The following CPS1 variants were observed in gnomAD, a reference collection of about 807,000 sequenced individuals.
CPS1 encodes carbamoyl-phosphate synthase 1, also known as carbamoyl-phosphate synthase [ammonia], mitochondrial.
Under a neutral mutation model 174.6 loss-of-function variants are expected in CPS1, and 109 were observed. The observed-to-expected ratio is 0.62, with a 90% CI of 0.53 to 0.73. The LOEUF (loss-of-function observed/expected upper bound fraction) is 0.73, where lower values mean the gene tolerates loss of function less well. CPS1 is among the 30% of genes least tolerant of loss of function. The pLI, the probability that CPS1 is intolerant of heterozygous loss-of-function variation, is 0.00. For missense variants in CPS1, 1,689 were observed against 1,821.9 expected, an observed-to-expected ratio of 0.93 and a Z score of 1.33; for synonymous variants, 637 against 632.0, an observed-to-expected ratio of 1.01 and a Z score of -0.12.
chr2:210,594,733 G>A (rs2106116832), intron 12 of CPS1, 127 bp downstream of exon 12: 1 of 708,418 alleles, frequency 1.4e-6, no homozygotes, highest in Non-Finnish European at 2.5e-6. Flanking sequence ...TATTGTAATA[G>A]ACTGTCATTT....
At chr2:210,496,251 G>T (rs10932337) in intron 1 of CPS1, among the ~76,000 whole-genome samples, 97,740 of 151,650 alleles carry the variant, frequency 0.64, 31,707 homozygotes, top group South Asian at 0.69. Context: ...TGTAAGGAAT[G>T]AAACCAAAAC....
At chr2:210,594,150 T>A (rs1698400623) in intron 11 of CPS1, among the ~76,000 whole-genome samples, 1 of 151,908 alleles carries the variant, frequency 6.6e-6, no homozygotes, top group African/African-American at 2.4e-5. Context: ...ATTTCTAATT[T>A]TCTATATCAT....
intron 1 of CPS1, among the ~76,000 whole-genome samples, chr2:210,558,869 A>G (rs1168190166): frequency 6.6e-6 from 1 of 152,072 alleles, no homozygotes; most frequent in Admixed American, 6.6e-5. Context: ...GCTAAGAATG[A>G]CAAATTTGTA....
intron 1 of CPS1, among the ~76,000 whole-genome samples, chr2:210,540,309 G>C (rs923722202): frequency 6.6e-6 from 1 of 152,080 alleles, no homozygotes; most frequent in African/African-American, 2.4e-5. Flanking sequence ...TTGTGGAGAA[G>C]GTCAGTAAAA....
At chr2:210,619,512 T>TAA (rs1699432415) in intron 21 of CPS1, 1 of 152,142 alleles carries the variant, frequency 6.6e-6, no homozygotes, top group African/African-American at 2.4e-5. Context: ...GATATGTAGA[T>TAA]ATGATAGTTA....
At chr2:210,568,674 A>T (rs112806240) in intron 1 of CPS1, among the ~76,000 whole-genome samples, 60 of 152,204 alleles carry the variant, frequency 3.9e-4, no homozygotes, top group Non-Finnish European at 6.0e-4. Context: ...TGACTCCAAG[A>T]TACACTAGGA....
intron 21 of CPS1, among the ~76,000 whole-genome samples, chr2:210,637,259 G>A (rs1175609970): frequency 6.6e-6 from 1 of 152,260 alleles, no homozygotes; most frequent in South Asian, 2.1e-4. Context: ...GAGTAATAAA[G>A]TAGAGCGAGA....
At chr2:210,608,326 G>T in intron 18 of CPS1, 35 bp from the exon 19 acceptor site, 1 of 1,601,378 alleles carries the variant, frequency 6.2e-7, no homozygotes, top group Middle Eastern at 1.7e-4. Context: ...ATAATTGCTC[G>T]AAGAAAAAAA....
At chr2:210,543,099 T>A (rs1238070381) in intron 1 of CPS1, among the ~76,000 whole-genome samples, 5 of 152,124 alleles carry the variant, frequency 3.3e-5, no homozygotes, top group Non-Finnish European at 5.9e-5. Context: ...TCACCCACAG[T>A]GGCTGGGAGA....
At chr2:210,597,375 A>G (rs960291822) in intron 13 of CPS1, among the ~76,000 whole-genome samples, 3 of 151,870 alleles carry the variant, frequency 2.0e-5, no homozygotes, top group African/African-American at 7.2e-5. Flanking sequence ...ATTGCCACTT[A>G]TTAGCTATGT....
chr2:210,614,534 T>A (rs1699237442), intron 20 of CPS1, among the ~76,000 whole-genome samples: 1 of 152,122 alleles, frequency 6.6e-6, no homozygotes, highest in Non-Finnish European at 1.5e-5. Context: ...AAAGTATTCC[T>A]ATTTCTCAGC....
intron 36 of CPS1, among the ~76,000 whole-genome samples, chr2:210,676,599 G>A (rs539978978): frequency 1.4e-4 from 21 of 152,276 alleles, no homozygotes; most frequent in Non-Finnish European, 2.2e-4. Context: ...TAATAGCTCC[G>A]TGTTTGGGGC....
upstream of CPS1, among the ~76,000 whole-genome samples, chr2:210,553,943 A>G (rs1696795381): frequency 6.6e-6 from 1 of 151,520 alleles, no homozygotes; most frequent in Non-Finnish European, 1.5e-5. Flanking sequence ...TCCAACCTCC[A>G]TTGTGGAATT....
intron 24 of CPS1, 109 bp from the exon 25 acceptor site, chr2:210,642,375 A>G (rs1700253495): frequency 3.0e-6 from 4 of 1,341,708 alleles, no homozygotes; most frequent in East Asian, 4.6e-5. Flanking sequence ...TTGAATTGAA[A>G]ATCATTAGCT....
chr2:210,644,276 C>A (rs6724941), intron 25 of CPS1, among the ~76,000 whole-genome samples: 32,304 of 151,698 alleles, frequency 0.21, 6,736 homozygotes, highest in African/African-American at 0.55. Flanking sequence ...AATATGTTGG[C>A]GGACATAATA....
intron 27 of CPS1, among the ~76,000 whole-genome samples, chr2:210,649,760 A>G (rs1011716503): frequency 6.6e-6 from 1 of 152,138 alleles, no homozygotes; most frequent in Non-Finnish European, 1.5e-5. Context: ...CCATTTTGCA[A>G]ATGTCAAAAT....
intron 28 of CPS1, among the ~76,000 whole-genome samples, chr2:210,651,734 G>C (rs1422617329): frequency 6.6e-6 from 1 of 152,178 alleles, no homozygotes; most frequent in Admixed American, 6.5e-5. Flanking sequence ...ACAGTTCAAT[G>C]TTCCCTATCA....
intron 1 of CPS1, 86 bp from the exon 2 acceptor site, chr2:210,573,212 A>G (rs1221616945): frequency 1.5e-5 from 17 of 1,163,466 alleles, no homozygotes; most frequent in South Asian, 2.4e-5. Flanking sequence ...GCCTTTATTT[A>G]ATATGTCTGT....
intron 21 of CPS1, among the ~76,000 whole-genome samples, chr2:210,631,042 G>C (rs1252041176): frequency 6.7e-6 from 1 of 149,066 alleles, no homozygotes; most frequent in Non-Finnish European, 1.5e-5. Flanking sequence ...TTTTTAAAGA[G>C]GATAATAATA....
Sources: gnomAD v4.1 joint callset for allele counts (sites outside exome capture counted in the v4.1 genomes callset) on GRCh38, gnomAD v4.1.1 for gene constraint, MANE v1.5 for transcripts, NCBI Gene and HGNC (gene_info 2026-07-23, HGNC 2026-07-21) for gene names.